The following CRLF1 variants were observed in gnomAD, a reference collection of about 807,000 sequenced individuals.
The protein encoded by CRLF1 is cytokine receptor like factor 1.
CRLF1 carries 36 observed loss-of-function variants against 48.9 expected under a neutral mutation model. That is an observed-to-expected ratio of 0.74 (90% CI 0.56 to 0.97). CRLF1 has a LOEUF of 0.97. CRLF1 is among the 50% of genes least tolerant of loss of function. CRLF1 has a pLI of 0.00. For synonymous variants in CRLF1, 256 were observed against 253.4 expected (o/e 1.01, Z -0.10); for missense variants, 534 against 575.1 (o/e 0.93, Z 0.73).
In CRLF1 at chr19:18,600,793, C is replaced by T. The variant is rs1976211234; in HGVS notation, c.116-947G>A. On this transcript the variant is annotated intron_variant, in intron 1 of 8. Transcript: ENST00000392386. Reference sequence around the variant, plus strand: ...GGATTACAGGAGTGAGCCAATACACCCAGGCATGCTTTGCTTTTTATTTTT... The same window carrying T: ...GGATTACAGGAGTGAGCCAATACACTCAGGCATGCTTTGCTTTTTATTTTT... Among the ~76,000 whole-genome samples the T allele has an allele frequency of 2.6e-5, 4 of 151,914 alleles. No homozygotes were observed. The South Asian group carries it at 8.3e-4, about 32-fold the overall frequency.
At chr19:18,596,522 T>A in intron 6 of CRLF1, 100 bp downstream of exon 6, 3 of 1,405,524 alleles carry the variant, frequency 2.1e-6, no homozygotes, top group Non-Finnish European at 2.9e-6. Flanking sequence ...AATGAGGCCG[T>A]GTCTCAAAAG....
chr19:18,596,523 G>T, intron 6 of CRLF1, 99 bp downstream of exon 6: 1 of 1,423,038 alleles, frequency 7.0e-7, no homozygotes, highest in Non-Finnish European at 9.5e-7. Context: ...ATGAGGCCGT[G>T]TCTCAAAAGA....
At chr19:18,601,902 C>A (rs1306693258) in intron 1 of CRLF1, among the ~76,000 whole-genome samples, 1 of 152,200 alleles carries the variant, frequency 6.6e-6, no homozygotes, top group African/African-American at 2.4e-5. Flanking sequence ...TTCCACACTG[C>A]CTACCTCTGG....
Position 18,599,683 on chromosome 19 carries a change from G to A in CRLF1, c.279C>T (p.Ala93=), listed in dbSNP as rs1304246533. The part of the protein sequence containing the change: ...LPPELSRVLN[A]STLALALANL... ...TGGCCAGGGCCAGAGCCAAGGTGGA[G>A]GCGTTGAGTACACGGGAGAGCTCAG... Residue 93 remains alanine, a synonymous_variant, in exon 2 of 9, where the codon GCC becomes GCT. Transcript: ENST00000392386. 6.2e-7 allele frequency: 1 copy of A among 1,613,024 alleles called. No individual in the cohort carries two copies. The highest frequency in any genetic ancestry group is 8.5e-7 in the Non-Finnish European group (1 of 1,179,730).
chr19:18,593,973 T>C, intron 8 of CRLF1, 92 bp downstream of exon 8: 4 of 1,515,080 alleles, frequency 2.6e-6, no homozygotes, highest in Non-Finnish European at 3.6e-6. Flanking sequence ...AAGGCTGGGG[T>C]TGGGAGGCGT....
chr19:18,602,204 T>C (rs1976229711), intron 1 of CRLF1, among the ~76,000 whole-genome samples: 1 of 152,166 alleles, frequency 6.6e-6, no homozygotes, highest in Admixed American at 6.5e-5. Context: ...GACCAGAACC[T>C]TGTCCATAGG....
chr19:18,600,866 C>T (rs907296023), intron 1 of CRLF1, among the ~76,000 whole-genome samples: 7 of 152,060 alleles, frequency 4.6e-5, no homozygotes, highest in Non-Finnish European at 8.8e-5. Flanking sequence ...TGCAGTGGCA[C>T]GATCATAGCT....
chr19:18,600,504 G>T (rs777009515), intron 1 of CRLF1, among the ~76,000 whole-genome samples: 4 of 152,182 alleles, frequency 2.6e-5, no homozygotes, highest in Non-Finnish European at 5.9e-5. Context: ...AAGTAGCTAG[G>T]ACTACGCGCC....
At position 18,606,454 on chromosome 19, in the gene CRLF1, C is replaced by T. The variant is rs113093604; in HGVS notation, c.115+88G>A. On this transcript the variant is annotated intron_variant, in intron 1 of 8. Coordinates refer to ENST00000392386, the MANE Select transcript of CRLF1 (RefSeq NM_004750.5). This position sits in a 1 kb window ranked among gnomAD's most constrained non-coding sequence, Gnocchi z 4.8. ...CTTTGTTCCCCGGCCGTCCAGGTGGCGCCCGCGCCCCCTCCCCCCGCGGCT... is the reference window on the plus strand; with the variant it reads ...CTTTGTTCCCCGGCCGTCCAGGTGGTGCCCGCGCCCCCTCCCCCCGCGGCT... 225,666 of 996,646 alleles carry T rather than the reference C, an allele frequency of 0.23. 26,833 individuals are homozygous for T. Among genetic ancestry groups the T allele is most frequent in the Non-Finnish European group, 0.24 (200,066 of 826,384 alleles). 61.7% of individuals were successfully genotyped at this position (996,646 alleles called of 1,614,324 possible).
chr19:18,593,656 C>G (rs967153436), intron 8 of CRLF1, 77 bp from the exon 9 acceptor site: 4 of 1,555,090 alleles, frequency 2.6e-6, no homozygotes, highest in Non-Finnish European at 3.5e-6. Context: ...AAGGAGGCTT[C>G]ATTCGTGTCC....
chr19:18,594,030 G>GCGGGGGC, intron 8 of CRLF1, 35 bp downstream of exon 8: 4 of 1,315,304 alleles, frequency 3.0e-6, no homozygotes, highest in Non-Finnish European at 4.2e-6. Context: ...CCCTCCCCTT[G>GCGGGGGC]CTCCCTCCCG....
In CRLF1 at chr19:18,597,041, C is replaced by T. The variant is rs1240399056; in HGVS notation, c.706G>A (p.Asp236Asn). The change falls in exon 5 of 9, where the codon GAC (aspartate) becomes AAC (asparagine). Residue 236 changes from aspartate (D) to asparagine (N), a missense_variant. Transcript: ENST00000392386. ...CTCACGTGCACGTCGGGCGGGGGGT[C>T]CGTGGTCACTGCGGGGCAGAGGAGG... ...TLDILDVVTT[D>N]PPPDVHVSRV... 1 of 1,612,362 alleles carries T rather than the reference C, an allele frequency of 6.2e-7. No homozygotes were observed. The highest frequency in any genetic ancestry group is 1.7e-5 in the Admixed American group (1 of 59,908).
intron 8 of CRLF1, 35 bp downstream of exon 8, chr19:18,594,030 G>GCGGGGGGCCCCCCCCCCC: frequency 7.6e-7 from 1 of 1,315,312 alleles, no homozygotes; most frequent in African/African-American, 1.5e-5. Context: ...CCCTCCCCTT[G>GCGGGGGGCCCCCCCCCCC]CTCCCTCCCG....
intron 1 of CRLF1, among the ~76,000 whole-genome samples, chr19:18,603,096 G>A (rs1027749355): frequency 7.2e-5 from 11 of 152,336 alleles, no homozygotes; most frequent in Admixed American, 5.9e-4. Flanking sequence ...GCCTTTGTTC[G>A]TTCACGCGTT....
chr19:18,603,843 G>C (rs1000540279), intron 1 of CRLF1, among the ~76,000 whole-genome samples: 1 of 145,040 alleles, frequency 6.9e-6, no homozygotes, highest in East Asian at 2.2e-4. Context: ...GCGTCCGTGC[G>C]AAGGAGCCGG....
At position 18,596,954 on chromosome 19, in the gene CRLF1, C is replaced by G; in HGVS notation, c.793G>C (p.Asp265His). The change falls in exon 5 of 9, where the codon GAT becomes CAT. Residue 265 changes from aspartate to histidine, a missense_variant. Coordinates refer to ENST00000392386, the MANE Select transcript of CRLF1 (RefSeq NM_004750.5). ...TGGTATTTGGCTTGAAAGAGGAAAT[C>G]CTTGAGGGCGGGTGGCGACACCCAG... Reference protein sequence around the residue: ...VRWVSPPALKDFLFQAKYQIR... With the variant: ...VRWVSPPALKHFLFQAKYQIR... 6.2e-7 allele frequency: 1 copy of G among 1,614,080 alleles called. No homozygotes were observed. Among genetic ancestry groups the G allele is most frequent in the Non-Finnish European group, 8.5e-7 (1 of 1,180,024 alleles).
At chr19:18,604,278 G>T (rs1048132798) in intron 1 of CRLF1, among the ~76,000 whole-genome samples, 3 of 152,172 alleles carry the variant, frequency 2.0e-5, no homozygotes, top group Non-Finnish European at 4.4e-5. Context: ...GACACCGGGC[G>T]GCGACGGGTT....
intron 8 of CRLF1, chr19:18,593,795 CT>C: frequency 1.0e-6 from 1 of 985,490 alleles, no homozygotes; most frequent in Non-Finnish European, 1.2e-6. Context: ...CCCATGCGTG[CT>C]AACTAGGGTG....
rs1163903200 is a variant in CRLF1 at position 18,594,234 on chromosome 19, C to T, written c.1212+13G>A. The stretch of plus-strand genomic sequence containing the variant: ...TGTCCCCACCCCCACGCCCGAGGGT[C>T]CCTCCTTCCTACCTGGTTGCGGGTC... On this transcript the variant is annotated intron_variant, in intron 7 of 8. Coordinates refer to ENST00000392386, the MANE Select transcript of CRLF1 (RefSeq NM_004750.5). 5.6e-6 allele frequency: 9 copies of T among 1,612,248 alleles called. No individual in the cohort carries two copies. The highest frequency in any genetic ancestry group is 1.3e-5 in the African/African-American group (1 of 74,886).
Sources: allele counts gnomAD v4.1 joint callset (sites outside exome capture counted in the v4.1 genomes callset), GRCh38; gene constraint gnomAD v4.1.1; non-coding constraint Gnocchi (gnomAD v3.1); transcripts MANE v1.5; gene names NCBI Gene and HGNC (gene_info 2026-07-23, HGNC 2026-07-21).